NSMCE2: variants seen among roughly 807,000 people sequenced by gnomAD.
NSMCE2 encodes E3 SUMO-protein ligase NSE2.
Under a neutral mutation model 23.8 loss-of-function variants are expected in NSMCE2, and 24 were observed. The observed-to-expected ratio is 1.01, with a 90% CI of 0.73 to 1.42. The LOEUF (loss-of-function observed/expected upper bound fraction) is 1.42, where lower values mean the gene tolerates loss of function less well. Ranked by LOEUF, NSMCE2 falls within the 40% of genes most tolerant of loss-of-function variation. The pLI is 0.00. For missense variants in NSMCE2, 284 were observed against 296.5 expected (o/e 0.96, Z 0.31); for synonymous variants, 92 against 94.1 (o/e 0.98, Z 0.13).
At chr8:125,212,030 G>A (rs1486686744) in intron 5 of NSMCE2, among the ~76,000 whole-genome samples, 1 of 152,140 alleles carries the variant, frequency 6.6e-6, no homozygotes, top group African/African-American at 2.4e-5. Context: ...GGATTGATTA[G>A]CCTAAGTGGG....
intron 5 of NSMCE2, among the ~76,000 whole-genome samples, chr8:125,234,087 A>G (rs1825442842): frequency 6.6e-6 from 1 of 151,296 alleles, no homozygotes; most frequent in Admixed American, 6.6e-5. Context: ...CAGCTACTCG[A>G]GAGGCTGAAG....
At chr8:125,341,913 A>C (rs1000808520) in intron 5 of NSMCE2, among the ~76,000 whole-genome samples, 45 of 151,654 alleles carry the variant, frequency 3.0e-4, no homozygotes, top group Non-Finnish European at 6.2e-4. Context: ...AAAAAAAAAA[A>C]AAAAAAAAAC....
chr8:125,253,958 A>G (rs1235902213), intron 5 of NSMCE2, among the ~76,000 whole-genome samples: 1 of 152,182 alleles, frequency 6.6e-6, no homozygotes, highest in Non-Finnish European at 1.5e-5. Context: ...CTCCTATAAG[A>G]TTATCCTAGT....
intron 3 of NSMCE2, among the ~76,000 whole-genome samples, chr8:125,102,774 A>G (rs1319319532): frequency 4.6e-5 from 7 of 152,194 alleles, no homozygotes; most frequent in Non-Finnish European, 7.3e-5. Context: ...AGTATTTGAC[A>G]TTTGTGAACT....
chr8:125,316,554 C>T (rs1829185016), intron 5 of NSMCE2, among the ~76,000 whole-genome samples: 1 of 152,108 alleles, frequency 6.6e-6, no homozygotes, highest in Non-Finnish European at 1.5e-5. Flanking sequence ...GTCTGTCTGT[C>T]TTTCTTTCTT....
intron 5 of NSMCE2, among the ~76,000 whole-genome samples, chr8:125,264,836 G>T (rs1042485908): frequency 3.9e-5 from 6 of 152,038 alleles, no homozygotes; most frequent in African/African-American, 1.4e-4. Flanking sequence ...ACTGAAAAAT[G>T]GCCTTATATC....
rs549958697 is a variant in NSMCE2, at chr8:125,133,537, C to T, written c.158-17634C>T. On this transcript the variant is annotated intron_variant, in intron 3 of 7. Transcript: ENST00000287437. The stretch of plus-strand genomic sequence containing the variant: ...GGTGATTCACTTGAGCTCAGGAGTT[C>T]GAGATCAGCCTGGCCAACATGGTGA... Among the ~76,000 whole-genome samples the T allele has an allele frequency of 3.1e-3, 469 of 152,136 alleles. 3 individuals are homozygous for T. Among genetic ancestry groups the T allele is most frequent in the African/African-American group, 0.011 (450 of 41,500 alleles).
chr8:125,264,127 T>C (rs142595390), intron 5 of NSMCE2, among the ~76,000 whole-genome samples: 35 of 152,306 alleles, frequency 2.3e-4, no homozygotes, highest in African/African-American at 8.2e-4. Context: ...TGAGGGAGTC[T>C]CTCCCTAGAG....
chr8:125,194,138 G>A (rs979663591), intron 5 of NSMCE2, among the ~76,000 whole-genome samples: 1 of 152,106 alleles, frequency 6.6e-6, no homozygotes, highest in African/African-American at 2.4e-5. Context: ...TAGTGTGGTA[G>A]GTAGATAGTA....
chr8:125,222,612 A>G (rs1409399590), intron 5 of NSMCE2, among the ~76,000 whole-genome samples: 2 of 152,162 alleles, frequency 1.3e-5, no homozygotes, highest in African/African-American at 4.8e-5. Context: ...AAGTGAGATC[A>G]TACAGTATTG....
chr8:125,260,124 G>C (rs766816067), intron 5 of NSMCE2, among the ~76,000 whole-genome samples: 1 of 152,188 alleles, frequency 6.6e-6, no homozygotes. Context: ...CGAAGCCAGA[G>C]CTGGAACACA....
chr8:125,170,733 T>C (rs954550841), intron 4 of NSMCE2, among the ~76,000 whole-genome samples: 2 of 152,052 alleles, frequency 1.3e-5, no homozygotes, highest in Admixed American at 6.6e-5. Context: ...ACCTACAACA[T>C]GTATTTAGAG....
chr8:125,219,146 C>A (rs1000983501), intron 5 of NSMCE2, among the ~76,000 whole-genome samples: 31 of 152,140 alleles, frequency 2.0e-4, no homozygotes, highest in African/African-American at 7.2e-4. Context: ...ATAATATACT[C>A]CACATATTTG....
intron 3 of NSMCE2, among the ~76,000 whole-genome samples, chr8:125,138,168 T>A (rs1396210763): frequency 1.3e-5 from 2 of 152,210 alleles, no homozygotes; most frequent in African/African-American, 4.8e-5. Context: ...GCAGTACTAA[T>A]ATAGGAAGGG....
At chr8:125,280,704 CT>C (rs1288534888) in intron 5 of NSMCE2, among the ~76,000 whole-genome samples, 1 of 152,158 alleles carries the variant, frequency 6.6e-6, no homozygotes, top group African/African-American at 2.4e-5. Context: ...ACCTTTAGTT[CT>C]TTTGTTTGGG....
At chr8:125,151,140 A>G in intron 3 of NSMCE2, 31 bp from the exon 4 acceptor site, 1 of 1,223,260 alleles carries the variant, frequency 8.2e-7, no homozygotes, top group Non-Finnish European at 1.2e-6. Context: ...TTTAAATGGA[A>G]AATAATAATT....
chr8:125,226,724 G>A (rs560555487), intron 5 of NSMCE2, among the ~76,000 whole-genome samples: 2 of 152,196 alleles, frequency 1.3e-5, no homozygotes, highest in African/African-American at 4.8e-5. Flanking sequence ...GAGGGGATGT[G>A]GAAAAGAGGT....
At chr8:125,099,471 G>GGATTC (rs1308722428) in intron 1 of NSMCE2, among the ~76,000 whole-genome samples, 2 of 152,084 alleles carry the variant, frequency 1.3e-5, no homozygotes, top group Non-Finnish European at 2.9e-5. Flanking sequence ...AGAAAAAGAA[G>GGATTC]CTTGGATTCT....
intron 6 of NSMCE2, 56 bp from the exon 7 acceptor site, chr8:125,357,656 G>C (rs2293890): frequency 0.52 from 674,053 of 1,293,118 alleles, 181,515 homozygotes; most frequent in Admixed American, 0.57. Flanking sequence ...GGACGAAACA[G>C]CTACTGGAAG....
Sources: gnomAD v4.1 joint callset for allele counts (sites outside exome capture counted in the v4.1 genomes callset) on GRCh38, gnomAD v4.1.1 for gene constraint, MANE v1.5 for transcripts, NCBI Gene and HGNC (gene_info 2026-07-23, HGNC 2026-07-21) for gene names.